The following PCDHA12 variants were observed in gnomAD, a reference collection of about 807,000 sequenced individuals.
The protein encoded by PCDHA12 is protocadherin alpha 12.
Under a neutral mutation model 60.0 loss-of-function variants are expected in PCDHA12, and 44 were observed. The ratio of observed to expected loss-of-function variants is 0.73; its 90% CI spans 0.58 to 0.94. The LOEUF (loss-of-function observed/expected upper bound fraction) is 0.94, where lower values mean the gene tolerates loss of function less well. Ranked by LOEUF, PCDHA12 falls within the 40% of genes least tolerant of loss-of-function variation. The pLI, the probability that PCDHA12 is intolerant of heterozygous loss-of-function variation, is 0.00. For missense variants in PCDHA12, 1,276 were observed against 1,239.7 expected (o/e 1.03, Z -0.44); for synonymous variants, 569 against 553.0 (o/e 1.03, Z -0.40).
intron 1 of PCDHA12, among the ~76,000 whole-genome samples, chr5:140,922,707 A>T (rs1282909188): frequency 4.6e-5 from 7 of 152,240 alleles, no homozygotes; most frequent in African/African-American, 1.4e-4. Context: ...TACAGTCAAG[A>T]ACAAAAAGAA....
intron 1 of PCDHA12, among the ~76,000 whole-genome samples, chr5:140,922,354 A>G (rs1208856231): frequency 6.6e-6 from 1 of 152,220 alleles, no homozygotes; most frequent in Non-Finnish European, 1.5e-5. Flanking sequence ...TTTCTAGAGT[A>G]GTGATTCTCA....
In PCDHA12 at chr5:140,876,860, T is replaced by C. The variant is rs2056650252; in HGVS notation, c.1388T>C (p.Phe463Ser). The C allele has an allele frequency of 6.2e-7, 1 of 1,613,918 alleles. No individual in the cohort carries two copies. The highest frequency in any genetic ancestry group is 1.3e-5 in the African/African-American group (1 of 74,864). The part of the protein sequence containing the change: ...PAFAQPEYTV[F>S]VKENNPPGCH... The stretch of plus-strand genomic sequence containing the variant: ...TTCGCGCAGCCCGAGTACACAGTGT[T>C]CGTGAAGGAGAACAACCCGCCGGGC... Residue 463 changes from phenylalanine to serine, a missense_variant, in exon 1 of 4, where the codon TTC becomes TCC. By Grantham distance (155) the Phe-to-Ser change is radical. Transcript: ENST00000398631.
At chr5:140,960,737 G>T (rs2095566221) in intron 1 of PCDHA12, among the ~76,000 whole-genome samples, 1 of 145,230 alleles carries the variant, frequency 6.9e-6, no homozygotes, top group South Asian at 2.2e-4. Context: ...CATGATTTTA[G>T]TCCATGGCTA....
intron 3 of PCDHA12, among the ~76,000 whole-genome samples, chr5:140,986,408 C>G (rs1587158509): frequency 6.6e-6 from 1 of 152,176 alleles, no homozygotes; most frequent in East Asian, 1.9e-4. Context: ...GCTCATGTTA[C>G]AGCTCTTTTT....
At chr5:140,995,682 T>A (rs566340825) in intron 3 of PCDHA12, among the ~76,000 whole-genome samples, 28 of 152,312 alleles carry the variant, frequency 1.8e-4, no homozygotes, top group East Asian at 9.6e-4. Context: ...GCATTTTTTT[T>A]AATTGTTAAA....
Position 140,875,438 on chromosome 5 carries a change from T to A in PCDHA12, c.-35T>A. ...CCTCAGGCAAGCGATCCCTTAAAAC[T>A]GATTGTCCCAACTCAGAGGCCCTCA... On this transcript the variant is annotated 5_prime_UTR_variant, in exon 1 of 4. Coordinates refer to ENST00000398631, the MANE Select transcript of PCDHA12 (RefSeq NM_018903.4). 1 of 1,568,134 alleles carries A rather than the reference T, an allele frequency of 6.4e-7. No individual in the cohort carries two copies. Among genetic ancestry groups the A allele is most frequent in the Non-Finnish European group, 8.6e-7 (1 of 1,158,834 alleles).
intron 1 of PCDHA12, among the ~76,000 whole-genome samples, chr5:140,879,347 T>A (rs530902728): frequency 3.3e-5 from 5 of 152,206 alleles, no homozygotes; most frequent in Admixed American, 2.0e-4. Context: ...GCTGAGAAGA[T>A]GACATTGCCA....
chr5:141,005,691 A>G (rs1481537036), intron 3 of PCDHA12, among the ~76,000 whole-genome samples: 1 of 134,408 alleles, frequency 7.4e-6, no homozygotes, highest in Non-Finnish European at 1.6e-5. Flanking sequence ...GACAGAGCGA[A>G]ACTCCGTCTC....
chr5:140,967,084 T>G (rs782593106), intron 1 of PCDHA12: 1 of 1,613,270 alleles, frequency 6.2e-7, no homozygotes, highest in Admixed American at 1.7e-5. Context: ...AGCGCATTGA[T>G]CGGGAGGCGC....
At chr5:140,982,608 T>C (rs782789536) in intron 3 of PCDHA12, 45 bp downstream of exon 3, 1 of 1,601,306 alleles carries the variant, frequency 6.2e-7, no homozygotes, top group Non-Finnish European at 8.5e-7. Flanking sequence ...TTCTGGAAAG[T>C]GATCAGATGA....
At chr5:140,927,157 G>T (rs868936673) in intron 1 of PCDHA12, 1 of 1,614,146 alleles carries the variant, frequency 6.2e-7, no homozygotes, top group Admixed American at 1.7e-5. Flanking sequence ...GCTGTGCAGG[G>T]CCAAAGCTGC....
In PCDHA12 at chr5:140,992,017, CTGTGTG is replaced by C. The variant is rs10602499; in HGVS notation, c.2515+9486_2515+9491del. On this transcript the variant is annotated intron_variant, in intron 3 of 3. Coordinates refer to ENST00000398631, the MANE Select transcript of PCDHA12 (RefSeq NM_018903.4). ...CTTTCATGTTCAGGCAGAGGTGGCT[CTGTGTG>C]TGTGTGTGTGTGTGTGTGTGTGTGT... 2.1e-3 allele frequency among the ~76,000 whole-genome samples: 300 copies of C among 145,496 alleles called. 2 individuals carry two copies. The highest frequency in any genetic ancestry group is 4.8e-3 in the African/African-American group (189 of 39,270).
chr5:140,877,422 G>A lies in PCDHA12; in HGVS notation c.1950G>A (p.Leu650=), dbSNP rs781813282. The change falls in exon 1 of 4, where the codon CTG becomes CTA. Residue 650 remains leucine (L), a synonymous_variant. Coordinates refer to ENST00000398631, the MANE Select transcript of PCDHA12 (RefSeq NM_018903.4). ...CTCCGCGCCACCGCCTGCTGGTGCT[G>A]GTGAAGGACCACGGTGAGCCCGCGC... ...ADAPRHRLLV[L]VKDHGEPALT... 1.2e-6 allele frequency: 2 copies of A among 1,613,784 alleles called. No homozygotes were observed. The highest frequency in any genetic ancestry group is 1.7e-5 in the Admixed American group (1 of 59,988).
chr5:141,011,553 G>T lies in PCDHA12; in HGVS notation c.*1616G>T, dbSNP rs1191049531. The T allele has an allele frequency of 6.5e-6, 1 of 153,640 alleles. No homozygotes were observed. The highest frequency in any genetic ancestry group is 1.5e-5 in the Non-Finnish European group (1 of 68,008). The allele number at this position is 153,640 out of a possible 1,614,324, so 9.5% of individuals were successfully genotyped here. Reference sequence around the variant, plus strand: ...TGTTAATCAGCTTTTGTGTATGAAAGACACAGTAAAATTTCTTTCTTAAAT... The same window carrying T: ...TGTTAATCAGCTTTTGTGTATGAAATACACAGTAAAATTTCTTTCTTAAAT... On this transcript the variant is annotated 3_prime_UTR_variant, in exon 4 of 4. Transcript: ENST00000398631.
intron 1 of PCDHA12, among the ~76,000 whole-genome samples, chr5:140,941,561 C>T (rs782382112): frequency 2.1e-4 from 32 of 151,880 alleles, no homozygotes; most frequent in Middle Eastern, 3.2e-3. Context: ...GTGATCCATT[C>T]GCCTCAGCCT....
chr5:140,971,970 A>C (rs2096510217), intron 1 of PCDHA12, among the ~76,000 whole-genome samples: 1 of 152,130 alleles, frequency 6.6e-6, no homozygotes, highest in Non-Finnish European at 1.5e-5. Flanking sequence ...TTTTTTCAAT[A>C]CTATGAGTAG....
chr5:140,997,409 A>G (rs1378198322), intron 3 of PCDHA12, among the ~76,000 whole-genome samples: 2 of 152,180 alleles, frequency 1.3e-5, no homozygotes, highest in Non-Finnish European at 1.5e-5. Flanking sequence ...CGTATGGCCT[A>G]TTTCTCCTAG....
intron 1 of PCDHA12, among the ~76,000 whole-genome samples, chr5:140,909,670 G>C (rs940080549): frequency 6.6e-6 from 1 of 152,142 alleles, no homozygotes; most frequent in African/African-American, 2.4e-5. Flanking sequence ...CACTCTACCA[G>C]TCAGGGAGCC....
chr5:140,987,391 G>A (rs1277678841), intron 3 of PCDHA12, among the ~76,000 whole-genome samples: 1 of 152,140 alleles, frequency 6.6e-6, no homozygotes, highest in Non-Finnish European at 1.5e-5. Flanking sequence ...ATGCATGCAA[G>A]GAAGCCATCT....
Sources: allele counts gnomAD v4.1 joint callset (sites outside exome capture counted in the v4.1 genomes callset), GRCh38; gene constraint gnomAD v4.1.1; transcripts MANE v1.5; gene names NCBI Gene and HGNC (gene_info 2026-07-23, HGNC 2026-07-21).